ADAMTS12: variants seen among roughly 807,000 people sequenced by gnomAD.
ADAMTS12 encodes the protein A disintegrin and metalloproteinase with thrombospondin motifs 12.
ADAMTS12 carries 118 observed loss-of-function variants against 167.8 expected under a neutral mutation model. The observed-to-expected ratio is 0.70, with a 90% CI of 0.61 to 0.82. The LOEUF (loss-of-function observed/expected upper bound fraction) is 0.82. Among genes scored for constraint, ADAMTS12 ranks in the 40% least tolerant of loss-of-function variants. The pLI is 0.00. For missense variants in ADAMTS12, 1,916 were observed against 1,998.8 expected (o/e 0.96, Z 0.79); for synonymous variants, 704 against 716.9 (o/e 0.98, Z 0.29).
At position 33,589,359 on chromosome 5, in the gene ADAMTS12, C is replaced by G. The variant is rs112058208; in HGVS notation, c.2655-550G>C. Reference sequence around the variant, plus strand: ...CTCTTAATTGAATGTAAAGTAGCTACTTAAACATAAATTTTTAAATTATTT... The same window carrying G: ...CTCTTAATTGAATGTAAAGTAGCTAGTTAAACATAAATTTTTAAATTATTT... On this transcript the variant is annotated intron_variant, in intron 17 of 23. Coordinates refer to ENST00000504830, the MANE Select transcript of ADAMTS12 (RefSeq NM_030955.4). Among the ~76,000 whole-genome samples the G allele has an allele frequency of 5.6e-3, 847 of 152,264 alleles. 5 individuals are homozygous for G. Among genetic ancestry groups the G allele is most frequent in the African/African-American group, 0.02 (811 of 41,548 alleles).
chr5:33,541,846 C>T (rs1022657482), intron 22 of ADAMTS12, among the ~76,000 whole-genome samples: 8 of 152,172 alleles, frequency 5.3e-5, no homozygotes, highest in Non-Finnish European at 8.8e-5. Flanking sequence ...AAGCACTAAA[C>T]ATGGAAAGCA....
At chr5:33,597,761 G>T (rs1429381152) in intron 16 of ADAMTS12, among the ~76,000 whole-genome samples, 1 of 152,104 alleles carries the variant, frequency 6.6e-6, no homozygotes, top group African/African-American at 2.4e-5. Flanking sequence ...ACTAACAGAT[G>T]TCGGTGGAAT....
chr5:33,551,263 TC>T (rs1745244872), intron 20 of ADAMTS12, among the ~76,000 whole-genome samples: 1 of 152,040 alleles, frequency 6.6e-6, no homozygotes, highest in Admixed American at 6.6e-5. Context: ...CAAACATTGG[TC>T]TGTATTTTGG....
intron 3 of ADAMTS12, among the ~76,000 whole-genome samples, chr5:33,723,452 T>G (rs1397234621): frequency 6.6e-6 from 1 of 152,154 alleles, no homozygotes; most frequent in Non-Finnish European, 1.5e-5. Context: ...ATCTCTTCCA[T>G]CCCATAATAA....
chr5:33,556,105 GCACA>G (rs980908636), intron 20 of ADAMTS12, among the ~76,000 whole-genome samples: 6 of 152,212 alleles, frequency 3.9e-5, no homozygotes, highest in African/African-American at 1.4e-4. Context: ...AGAGTTCATT[GCACA>G]CATTTTCTCT....
chr5:33,804,222 C>T (rs1404584745), intron 2 of ADAMTS12, among the ~76,000 whole-genome samples: 1 of 152,168 alleles, frequency 6.6e-6, no homozygotes, highest in Non-Finnish European at 1.5e-5. Context: ...CTTCCTCTTC[C>T]CCCATCTTCA....
At chr5:33,617,799 A>C (rs1433536510) in intron 14 of ADAMTS12, among the ~76,000 whole-genome samples, 3 of 152,310 alleles carry the variant, frequency 2.0e-5, no homozygotes, top group East Asian at 3.9e-4. Context: ...AATAGAAAAA[A>C]AAAACAATAA....
intron 5 of ADAMTS12, among the ~76,000 whole-genome samples, chr5:33,665,431 C>A (rs78506625): frequency 1.3e-5 from 2 of 152,018 alleles, no homozygotes; most frequent in Admixed American, 6.5e-5. Context: ...GTAATGTATG[C>A]GTTAATTAGC....
chr5:33,703,530 CACTCTTTG>C (rs1743077568), intron 3 of ADAMTS12, among the ~76,000 whole-genome samples: 1 of 152,148 alleles, frequency 6.6e-6, no homozygotes, highest in South Asian at 2.1e-4. Flanking sequence ...TGAAACTTTG[CACTCTTTG>C]ACTAACACCT....
chr5:33,698,129 C>T (rs1742853270), intron 3 of ADAMTS12, among the ~76,000 whole-genome samples: 2 of 152,208 alleles, frequency 1.3e-5, no homozygotes, highest in South Asian at 4.1e-4. Context: ...GAACGTCTGG[C>T]TTTTTGAGAA....
At chr5:33,793,313 A>AC (rs982174020) in intron 2 of ADAMTS12, among the ~76,000 whole-genome samples, 5 of 152,194 alleles carry the variant, frequency 3.3e-5, no homozygotes, top group East Asian at 1.9e-4. Context: ...TGAAGGTCAG[A>AC]CCCCCCAACA....
intron 23 of ADAMTS12, among the ~76,000 whole-genome samples, chr5:33,529,345 A>G (rs186982351): frequency 6.6e-5 from 10 of 152,264 alleles, no homozygotes; most frequent in East Asian, 3.9e-4. Context: ...GGTGGTTCTC[A>G]GATGGCACTG....
At chr5:33,790,565 A>G (rs1388125108) in intron 2 of ADAMTS12, among the ~76,000 whole-genome samples, 5 of 150,802 alleles carry the variant, frequency 3.3e-5, no homozygotes, top group African/African-American at 4.9e-5. Context: ...CAAAAAAAAA[A>G]AAAAAAGAAA....
intron 3 of ADAMTS12, among the ~76,000 whole-genome samples, chr5:33,697,467 C>T (rs1297265091): frequency 6.6e-6 from 1 of 152,206 alleles, no homozygotes; most frequent in Non-Finnish European, 1.5e-5. Context: ...TTAAGGGACT[C>T]ATTATCTAGA....
intron 3 of ADAMTS12, among the ~76,000 whole-genome samples, chr5:33,714,199 C>T (rs11738892): frequency 0.61 from 92,790 of 151,854 alleles, 29,531 homozygotes; most frequent in Non-Finnish European, 0.69. Flanking sequence ...CCCCTTTAAA[C>T]TAATTTAGGA....
At chr5:33,685,435 C>CA (rs1399294582) in intron 3 of ADAMTS12, among the ~76,000 whole-genome samples, 5 of 152,338 alleles carry the variant, frequency 3.3e-5, no homozygotes, top group African/African-American at 1.2e-4. Context: ...GGACAACTAA[C>CA]ACCATATCCT....
intron 3 of ADAMTS12, among the ~76,000 whole-genome samples, chr5:33,740,853 T>G (rs1365131538): frequency 6.6e-6 from 1 of 152,186 alleles, no homozygotes; most frequent in East Asian, 1.9e-4. Flanking sequence ...GAAGGCAGGA[T>G]GTTGGCGAGA....
At chr5:33,855,683 G>A (rs1440071199) in intron 2 of ADAMTS12, among the ~76,000 whole-genome samples, 1 of 151,378 alleles carries the variant, frequency 6.6e-6, no homozygotes, top group Admixed American at 6.6e-5. Flanking sequence ...TTTTTTCTCT[G>A]CATATTTATA....
chr5:33,646,812 T>A (rs1740684283), intron 9 of ADAMTS12, among the ~76,000 whole-genome samples: 1 of 151,928 alleles, frequency 6.6e-6, no homozygotes, highest in Non-Finnish European at 1.5e-5. Flanking sequence ...AATTGCAAAA[T>A]AAATATGTCA....
Sources: allele counts gnomAD v4.1 joint callset (sites outside exome capture counted in the v4.1 genomes callset), GRCh38; gene constraint gnomAD v4.1.1; transcripts MANE v1.5; gene names NCBI Gene and HGNC (gene_info 2026-07-23, HGNC 2026-07-21).